TEX9: variants seen among roughly 807,000 people sequenced by gnomAD.
The protein encoded by TEX9 is testis-expressed protein 9.
A neutral mutation model predicts 59.6 loss-of-function variants in TEX9; 74 were observed. That is an observed-to-expected ratio of 1.24 (90% CI 1.03 to 1.51). The LOEUF (loss-of-function observed/expected upper bound fraction) is 1.51. Ranked by LOEUF, TEX9 falls within the 40% of genes most tolerant of loss-of-function variation. The pLI, the probability that TEX9 is intolerant of heterozygous loss-of-function variation, is 0.00. For synonymous variants in TEX9, 186 were observed against 152.2 expected, an observed-to-expected ratio of 1.22 and a Z score of -1.64; for missense variants, 522 against 447.8, an observed-to-expected ratio of 1.17 and a Z score of -1.49.
intron 1 of TEX9, among the ~76,000 whole-genome samples, chr15:56,285,363 C>T (rs1184282608): frequency 6.6e-6 from 1 of 152,178 alleles, no homozygotes; most frequent in African/African-American, 2.4e-5. Flanking sequence ...ATAATCTCTA[C>T]ATCTCAAGAT....
rs112271134 is a variant in TEX9, at chr15:56,267,098, G to A, written c.-107+22820G>A. Among the ~76,000 whole-genome samples the A allele has an allele frequency of 4.1e-3, 626 of 152,262 alleles. 4 individuals are homozygous for A. The highest frequency in any genetic ancestry group is 0.014 in the African/African-American group (578 of 41,546). ...CCAGTGATGATGAGGATTTTTTCAT[G>A]TGTCTGTTCACTGTATAAATGTCTT... is the stretch of plus-strand genomic sequence containing the variant. On this transcript the variant is annotated intron_variant, in intron 1 of 5. Coordinates refer to the TEX9 transcript ENST00000560827.
intron 1 of TEX9, chr15:56,323,374 T>A (rs2718923): frequency 0.5 from 81,731 of 163,992 alleles, 21,832 homozygotes; most frequent in Non-Finnish European, 0.6. Context: ...CAAGGAACTC[T>A]ATGTATCTGA....
At chr15:56,252,555 C>A (rs748858403) in intron 1 of TEX9, among the ~76,000 whole-genome samples, 24 of 152,022 alleles carry the variant, frequency 1.6e-4, no homozygotes, top group Non-Finnish European at 2.8e-4. Flanking sequence ...TTTCAAGCAG[C>A]CAACTGTGTC....
intron 1 of TEX9, among the ~76,000 whole-genome samples, chr15:56,332,869 T>A (rs1225960170): frequency 6.6e-6 from 1 of 152,096 alleles, no homozygotes; most frequent in Non-Finnish European, 1.5e-5. Context: ...GCTTGAAGGA[T>A]CATTAGTGAC....
chr15:56,282,745 G>A (rs2044847390), intron 1 of TEX9, among the ~76,000 whole-genome samples: 1 of 152,100 alleles, frequency 6.6e-6, no homozygotes, highest in Admixed American at 6.6e-5. Context: ...AGTAGATGTG[G>A]AAAATTCCTT....
chr15:56,454,878 G>A, the TEX9 span, among the ~76,000 whole-genome samples: 16 of 151,984 alleles, frequency 1.1e-4, no homozygotes, highest in Admixed American at 7.9e-4. Flanking sequence ...CTTAATCTGT[G>A]TCTAATAAAA....
At chr15:56,373,698 A>G (rs1486108741) in intron 3 of TEX9, among the ~76,000 whole-genome samples, 194 bp downstream of exon 3, 3 of 152,134 alleles carry the variant, frequency 2.0e-5, no homozygotes, top group African/African-American at 4.8e-5. Flanking sequence ...GTAAGCACAC[A>G]TTTTCTAAAA....
chr15:56,333,886 A>T (rs567838836), intron 1 of TEX9, among the ~76,000 whole-genome samples: 8 of 152,288 alleles, frequency 5.3e-5, no homozygotes, highest in Non-Finnish European at 1.2e-4. Context: ...AAACAATCTG[A>T]AAAAGATATC....
intron 12 of TEX9, among the ~76,000 whole-genome samples, chr15:56,445,423 C>G (rs1344254404): frequency 6.6e-6 from 1 of 151,816 alleles, no homozygotes; most frequent in Admixed American, 6.6e-5. Flanking sequence ...TGATCACATC[C>G]CGAATGATGG....
chr15:56,392,152 G>A (rs1308654709), intron 7 of TEX9, among the ~76,000 whole-genome samples: 3 of 152,124 alleles, frequency 2.0e-5, no homozygotes, highest in African/African-American at 7.2e-5. Context: ...AAATTTAGTA[G>A]TTTGTATTAG....
At chr15:56,377,597 T>C (rs1452115418) in intron 3 of TEX9, among the ~76,000 whole-genome samples, 2 of 152,190 alleles carry the variant, frequency 1.3e-5, no homozygotes, top group Admixed American at 1.3e-4. Flanking sequence ...TCTTGTATCC[T>C]GCAACTTTAC....
At chr15:56,453,097 G>A in the TEX9 span, among the ~76,000 whole-genome samples, 1 of 151,906 alleles carries the variant, frequency 6.6e-6, no homozygotes, top group African/African-American at 2.4e-5. Context: ...TTGTTTCCAG[G>A]TGAATAAATT....
At position 56,427,746 on chromosome 15, in the gene TEX9, C is replaced by G; in HGVS notation, c.1098+7C>G. ...TGTTTTAAAAAGGCAAAAGGTGAGT[C>G]TATCATTAAAGTTAAATCATCATAT... On this transcript the variant is annotated splice_region_variant and intron_variant, in intron 11 of 12. Coordinates refer to ENST00000352903, the Ensembl canonical transcript of TEX9. 1 of 1,448,614 alleles carries G rather than the reference C, an allele frequency of 6.9e-7. No homozygotes were observed. The allele number at this position is 1,448,614 out of a possible 1,614,324, so 89.7% of individuals were successfully genotyped here.
intron 10 of TEX9, among the ~76,000 whole-genome samples, chr15:56,422,312 G>A (rs1256890236): frequency 6.6e-6 from 1 of 151,362 alleles, no homozygotes; most frequent in Non-Finnish European, 1.5e-5. Context: ...TTTAATTGAG[G>A]TGCTTACACC....
At chr15:56,452,368 C>T in the TEX9 span, among the ~76,000 whole-genome samples, 13 of 152,120 alleles carry the variant, frequency 8.5e-5, no homozygotes, top group Admixed American at 3.3e-4. Flanking sequence ...AAATGCCTGG[C>T]AGACAACATT....
At chr15:56,253,153 T>A (rs1300519569) in intron 1 of TEX9, among the ~76,000 whole-genome samples, 3 of 152,080 alleles carry the variant, frequency 2.0e-5, no homozygotes, top group African/African-American at 7.2e-5. Context: ...ACACGGCACC[T>A]AAGATAGCTG....
chr15:56,359,118 C>T (rs1238418046), intron 1 of TEX9, among the ~76,000 whole-genome samples: 1 of 152,016 alleles, frequency 6.6e-6, no homozygotes, highest in Non-Finnish European at 1.5e-5. Flanking sequence ...GTTTCACAGC[C>T]TTGTTTTGGT....
At chr15:56,287,685 C>A (rs539773789) in intron 1 of TEX9, among the ~76,000 whole-genome samples, 1 of 152,134 alleles carries the variant, frequency 6.6e-6, no homozygotes, top group East Asian at 1.9e-4. Context: ...ATCCATATAA[C>A]CCCATCAGAC....
At chr15:56,354,000 T>A (rs1336612901) in intron 1 of TEX9, among the ~76,000 whole-genome samples, 1 of 152,240 alleles carries the variant, frequency 6.6e-6, no homozygotes, top group African/African-American at 2.4e-5. Flanking sequence ...CTCATTTTGC[T>A]TGTAGTGTTC....
Sources: allele counts gnomAD v4.1 joint callset (sites outside exome capture counted in the v4.1 genomes callset), GRCh38; gene constraint gnomAD v4.1.1; transcripts MANE v1.5; gene names NCBI Gene and HGNC (gene_info 2026-07-23, HGNC 2026-07-21).